SNX19: variants seen among roughly 807,000 people sequenced by gnomAD.
SNX19 encodes the protein sorting nexin-19.
Under a neutral mutation model 85.2 loss-of-function variants are expected in SNX19, and 60 were observed. That is an observed-to-expected ratio of 0.70 (90% CI 0.57 to 0.87). The LOEUF (loss-of-function observed/expected upper bound fraction) is 0.87, where lower values mean the gene tolerates loss of function less well. Among genes scored for constraint, SNX19 ranks in the 40% least tolerant of loss-of-function variants. SNX19 has a pLI of 0.00. For missense variants in SNX19, 1,201 were observed against 1,217.8 expected, an observed-to-expected ratio of 0.99 and a Z score of 0.21; for synonymous variants, 520 against 470.0, an observed-to-expected ratio of 1.11 and a Z score of -1.38.
chr11:130,883,024 T>A (rs1056358895), intron 8 of SNX19, among the ~76,000 whole-genome samples: 2 of 152,210 alleles, frequency 1.3e-5, no homozygotes, highest in Non-Finnish European at 2.9e-5. Flanking sequence ...CATTAATTTA[T>A]CTGATGGGGA....
chr11:130,898,128 G>A (rs1468580077), intron 8 of SNX19, among the ~76,000 whole-genome samples: 2 of 150,494 alleles, frequency 1.3e-5, no homozygotes, highest in Non-Finnish European at 2.9e-5. Context: ...TTAGAAGGAG[G>A]GGTTATGAGG....
chr11:130,887,552 AG>A (rs1944178640), intron 8 of SNX19, among the ~76,000 whole-genome samples: 1 of 152,222 alleles, frequency 6.6e-6, no homozygotes. Flanking sequence ...ATGTGACCTC[AG>A]GCAAGTGGCT....
intron 7 of SNX19, 111 bp from the exon 8 acceptor site, chr11:130,903,495 G>A (rs1737130330): frequency 2.5e-6 from 3 of 1,224,354 alleles, no homozygotes; most frequent in South Asian, 3.4e-5. Flanking sequence ...CAATCATCTG[G>A]TATTTTTGCA....
chr11:130,898,178 G>C (rs1235144789), intron 8 of SNX19, among the ~76,000 whole-genome samples: 3 of 150,956 alleles, frequency 2.0e-5, no homozygotes, highest in Non-Finnish European at 4.4e-5. Flanking sequence ...TTGCAGGATA[G>C]AGAGTGTGCT....
chr11:130,885,877 T>C (rs1391214985), intron 8 of SNX19, among the ~76,000 whole-genome samples: 28 of 152,224 alleles, frequency 1.8e-4, no homozygotes, highest in Admixed American at 1.8e-3. Context: ...TATTGACTTA[T>C]TTTATTACCC....
At chr11:130,878,777 T>A (rs1266624802) in intron 10 of SNX19, among the ~76,000 whole-genome samples, 1 of 152,168 alleles carries the variant, frequency 6.6e-6, no homozygotes, top group African/African-American at 2.4e-5. Flanking sequence ...AAGACTAAGT[T>A]TTATAAAATT....
At chr11:130,896,136 G>T (rs894649865) in intron 8 of SNX19, among the ~76,000 whole-genome samples, 9 of 152,200 alleles carry the variant, frequency 5.9e-5, no homozygotes, top group Non-Finnish European at 1.3e-4. Context: ...CTGAGCTTGA[G>T]TTAATTTTGT....
At chr11:130,906,181 G>T in intron 6 of SNX19, 48 bp from the exon 7 acceptor site, 2 of 1,580,434 alleles carry the variant, frequency 1.3e-6, no homozygotes. Context: ...TGACAGTAGG[G>T]GAGCAAATGC....
At position 130,911,676 on chromosome 11, in the gene SNX19, C is replaced by T; in HGVS notation, c.1770G>A (p.Gln590=). ...GATCTGGTTTCTCCTCCAGACGGGT[C>T]TGCAGATTCAAGAACTCCCGATAGC... The part of the protein sequence containing the change: ...NRRYREFLNL[Q]TRLEEKPDLR... Residue 590 remains glutamine, a synonymous_variant, in exon 2 of 11, where the codon CAG becomes CAA. Transcript: ENST00000265909. The T allele has an allele frequency of 6.2e-7, 1 of 1,614,182 alleles. No homozygotes were observed. Among genetic ancestry groups the T allele is most frequent in the Non-Finnish European group, 8.5e-7 (1 of 1,180,040 alleles).
Position 130,869,049 on chromosome 11 carries a change from G to A in SNX19, c.*9373C>T, listed in dbSNP as rs1942904407. ...GAGGCTTACGAGTTAGAATAGATAA[G>A]GTGAAAATTGTCTGCCATGGTATAT... On this transcript the variant is annotated 3_prime_UTR_variant, in exon 11 of 11. Coordinates refer to ENST00000265909, the MANE Select transcript of SNX19 (RefSeq NM_014758.3). 2 of 152,224 alleles carry A rather than the reference G, an allele frequency of 1.3e-5. No individual in the cohort carries two copies. Among genetic ancestry groups the A allele is most frequent in the Admixed American group, 6.5e-5 (1 of 15,288 alleles). 9.4% of individuals were successfully genotyped at this position (152,224 alleles called of 1,614,324 possible). A position where few individuals can be genotyped will look rare whatever the true frequency, so the allele number is the denominator to read the frequency against.
rs1275600121 is a variant in SNX19 at position 130,866,317 on chromosome 11, T to C, written c.*12105A>G. 6.6e-6 allele frequency: 1 copy of C among 152,210 alleles called. No individual in the cohort carries two copies. Among genetic ancestry groups the C allele is most frequent in the African/African-American group, 2.4e-5 (1 of 41,446 alleles). The allele number at this position is 152,210 out of a possible 1,614,324, so 9.4% of individuals were successfully genotyped here. On this transcript the variant is annotated 3_prime_UTR_variant, in exon 11 of 11. Coordinates refer to ENST00000265909, the MANE Select transcript of SNX19 (RefSeq NM_014758.3). ...AGAGAGTACAAACCAACATGCAACATAGTCTTCATTCTTAAAAAGTACATA... is the reference window on the plus strand; with the variant it reads ...AGAGAGTACAAACCAACATGCAACACAGTCTTCATTCTTAAAAAGTACATA...
At position 130,910,066 on chromosome 11, in the gene SNX19, A is replaced by G. The variant is rs1402054126; in HGVS notation, c.1986T>C (p.Ala662=). The change falls in exon 4 of 11, where the codon GCT becomes GCC. Residue 662 remains alanine, a synonymous_variant. Transcript: ENST00000265909. ...VQEFLALNTD[A]RIAFVKKPFM... ...ATGGTTTCTTGACAAAGGCAATACGAGCATCTGTGTTCAGAGCAAGGAACT... is the reference window on the plus strand; with the variant it reads ...ATGGTTTCTTGACAAAGGCAATACGGGCATCTGTGTTCAGAGCAAGGAACT... The G allele has an allele frequency of 3.7e-6, 6 of 1,614,144 alleles. No homozygotes were observed. Among genetic ancestry groups the G allele is most frequent in the South Asian group, 1.1e-5 (1 of 91,084 alleles).
In SNX19 at chr11:130,915,304, C is replaced by G. The variant is rs748193521; in HGVS notation, c.636G>C (p.Thr212=). 1.5e-5 allele frequency: 24 copies of G among 1,614,058 alleles called. No individual in the cohort carries two copies. The highest frequency in any genetic ancestry group is 1.9e-5 in the Non-Finnish European group (23 of 1,180,034). ...VHSPSAEVTY[T]RGVVNLLLQG... ...GAAGCAACAAATTCACAACGCCACG[C>G]GTATAGGTGACTTCAGCACTGGGGC... The change falls in exon 1 of 11, where the codon ACG becomes ACC. Residue 212 remains threonine, a synonymous_variant. Transcript: ENST00000265909.
At chr11:130,903,021 C>A in intron 8 of SNX19, 1 of 474,806 alleles carries the variant, frequency 2.1e-6, no homozygotes, top group Admixed American at 3.6e-5. Flanking sequence ...CACACAGTGT[C>A]TGCAACTCAG....
At chr11:130,896,789 G>A (rs1190372004) in intron 8 of SNX19, among the ~76,000 whole-genome samples, 3 of 152,112 alleles carry the variant, frequency 2.0e-5, no homozygotes, top group Admixed American at 6.5e-5. Flanking sequence ...TGTAATAAGC[G>A]TCAGTTCCTT....
intron 8 of SNX19, among the ~76,000 whole-genome samples, chr11:130,891,183 T>C (rs1006058318): frequency 2.6e-5 from 4 of 152,250 alleles, no homozygotes; most frequent in Admixed American, 1.3e-4. Context: ...TATGTTTATA[T>C]ACACGTCTGA....
At chr11:130,909,796 G>A (rs1462196522) in intron 4 of SNX19, among the ~76,000 whole-genome samples, 1 of 152,168 alleles carries the variant, frequency 6.6e-6, no homozygotes, top group Non-Finnish European at 1.5e-5. Context: ...GAGTGTTGGG[G>A]TACTGTTTCC....
At chr11:130,891,978 C>T (rs1944531206) in intron 8 of SNX19, among the ~76,000 whole-genome samples, 1 of 151,450 alleles carries the variant, frequency 6.6e-6, no homozygotes, top group South Asian at 2.1e-4. Context: ...GTACCTGGGA[C>T]TAAGGGCATG....
chr11:130,905,610 T>G, intron 7 of SNX19: 16 of 1,391,794 alleles, frequency 1.1e-5, no homozygotes, highest in African/African-American at 2.9e-5. Context: ...ACCAGGAAAC[T>G]GAGACACTAA....
Sources: allele counts gnomAD v4.1 joint callset (sites outside exome capture counted in the v4.1 genomes callset), GRCh38; gene constraint gnomAD v4.1.1; transcripts MANE v1.5; gene names NCBI Gene and HGNC (gene_info 2026-07-23, HGNC 2026-07-21).